The following VWA3A variants were observed in gnomAD, a reference collection of about 807,000 sequenced individuals.
VWA3A encodes von Willebrand factor A domain-containing protein 3A.
In VWA3A, 134 loss-of-function variants were observed where a neutral mutation model predicts 160.4. The ratio of observed to expected loss-of-function variants is 0.84; its 90% CI spans 0.73 to 0.96. VWA3A has a LOEUF of 0.96. VWA3A is among the 40% of genes least tolerant of loss of function. VWA3A has a pLI of 0.00. For synonymous variants in VWA3A, 476 were observed against 543.4 expected, an observed-to-expected ratio of 0.88 and a Z score of 1.72; for missense variants, 1,310 against 1,447.9, an observed-to-expected ratio of 0.90 and a Z score of 1.55.
chr16:22,119,006 G>C lies in VWA3A; in HGVS notation c.1095G>C (p.Ala365=). The change falls in exon 12 of 34, where the codon GCG becomes GCC. Residue 365 remains alanine (A), a synonymous_variant. Coordinates refer to ENST00000389398, the MANE Select transcript of VWA3A (RefSeq NM_173615.5). The part of the protein sequence containing the change: ...QALQHSSPCE[A]LTCTMEEIST... ...TGCAGCACAGCAGCCCCTGTGAGGCGCTCACCTGCACCATGGAGGAGGTAG... is the reference window on the plus strand; with the variant it reads ...TGCAGCACAGCAGCCCCTGTGAGGCCCTCACCTGCACCATGGAGGAGGTAG... 1.2e-6 allele frequency: 2 copies of C among 1,612,678 alleles called. No homozygotes were observed. Among genetic ancestry groups the C allele is most frequent in the Non-Finnish European group, 1.7e-6 (2 of 1,179,314 alleles).
chr16:22,123,147 C>G lies in VWA3A; in HGVS notation c.1419C>G (p.Pro473=), dbSNP rs376008317. 1 of 1,604,348 alleles carries G rather than the reference C, an allele frequency of 6.2e-7. No homozygotes were observed. Among genetic ancestry groups the G allele is most frequent in the South Asian group, 1.1e-5 (1 of 88,860 alleles). Reference sequence around the variant, plus strand: ...TGAAGAACATTCATGTGGACCCACCCTTCCTCTATAAGTACCAGGTCAGTG... The same window carrying G: ...TGAAGAACATTCATGTGGACCCACCGTTCCTCTATAAGTACCAGGTCAGTG... ...GTVKNIHVDP[P]FLYKYQQQLS... The change falls in exon 15 of 34, where the codon CCC becomes CCG. Residue 473 remains proline (P), a synonymous_variant. Coordinates refer to ENST00000389398, the MANE Select transcript of VWA3A (RefSeq NM_173615.5).
intron 9 of VWA3A, chr16:22,116,327 T>C (rs560844988): frequency 4.6e-5 from 14 of 303,580 alleles, no homozygotes; most frequent in Admixed American, 7.4e-5. Flanking sequence ...GAAGGAAAGA[T>C]GGAAGAGAGA....
chr16:22,114,044 G>T (rs991226430), intron 8 of VWA3A, among the ~76,000 whole-genome samples: 1 of 151,150 alleles, frequency 6.6e-6, no homozygotes, highest in Non-Finnish European at 1.5e-5. Context: ...AAAAAAGAAA[G>T]CAGCCATATA....
intron 25 of VWA3A, among the ~76,000 whole-genome samples, chr16:22,143,594 G>T (rs1165695397): frequency 6.6e-6 from 1 of 152,094 alleles, no homozygotes; most frequent in South Asian, 2.1e-4. Context: ...AATATTGTAG[G>T]TGGGGTGCTC....
intron 17 of VWA3A, among the ~76,000 whole-genome samples, chr16:22,126,974 AACTT>A (rs1824108624): frequency 6.7e-6 from 1 of 149,854 alleles, no homozygotes; most frequent in African/African-American, 2.4e-5. Context: ...TGAAGATTTG[AACTT>A]ACTTCAAAAT....
chr16:22,103,822 C>G (rs1202824526), intron 6 of VWA3A, among the ~76,000 whole-genome samples: 2 of 152,156 alleles, frequency 1.3e-5, no homozygotes, highest in Non-Finnish European at 2.9e-5. Flanking sequence ...ACTTCACTTC[C>G]TGTTCCCTGC....
chr16:22,133,250 A>ATATC (rs2045981311), intron 20 of VWA3A, among the ~76,000 whole-genome samples, 155 bp downstream of exon 20: 1 of 152,244 alleles, frequency 6.6e-6, no homozygotes, highest in African/African-American at 2.4e-5. Context: ...GATAGCAGTG[A>ATATC]TGGTTGAACA....
intron 28 of VWA3A, among the ~76,000 whole-genome samples, chr16:22,149,535 G>A (rs1459026595): frequency 3.3e-5 from 5 of 152,190 alleles, no homozygotes; most frequent in Non-Finnish European, 7.3e-5. Flanking sequence ...ACAGGCCACT[G>A]TGTCTGGCTT....
intron 11 of VWA3A, among the ~76,000 whole-genome samples, chr16:22,118,662 G>A (rs2045684746): frequency 6.6e-6 from 1 of 152,162 alleles, no homozygotes. Context: ...CTCCAGCCTG[G>A]GTGACAGAGC....
In VWA3A at chr16:22,113,363, CTTTTTTTTTTTTT is replaced by C. The variant is rs569069206; in HGVS notation, c.690-1963_690-1951del. Among the ~76,000 whole-genome samples the C allele has an allele frequency of 1.9e-4, 9 of 46,264 alleles. No homozygotes were observed. In the South Asian group the frequency reaches 4.2e-3, roughly 22 times the overall value. The allele number at this position is 46,264 out of a possible 152,430, so 30.4% of individuals were successfully genotyped here. ...TGCTCCACAATGCCTGGCTAATTTT[CTTTTTTTTTTTTT>C]TTTTTTTTTTTTTTTTTTTTGTATT... On this transcript the variant is annotated intron_variant, in intron 8 of 33. Transcript: ENST00000389398.
intron 16 of VWA3A, among the ~76,000 whole-genome samples, chr16:22,125,231 T>A (rs942590687): frequency 2.7e-5 from 4 of 148,236 alleles, no homozygotes; most frequent in Non-Finnish European, 6.0e-5. Context: ...AAAAAAAAAA[T>A]TTAAATTAGC....
chr16:22,107,764 G>A (rs1057246031), intron 6 of VWA3A, among the ~76,000 whole-genome samples: 1 of 152,042 alleles, frequency 6.6e-6, no homozygotes, highest in African/African-American at 2.4e-5. Flanking sequence ...GCCTGGAGTG[G>A]GACCTGAGAC....
intron 30 of VWA3A, among the ~76,000 whole-genome samples, 189 bp downstream of exon 30, chr16:22,151,035 T>C (rs1271548377): frequency 1.3e-5 from 2 of 151,908 alleles, no homozygotes; most frequent in Non-Finnish European, 2.9e-5. Context: ...ATCCCAGCAT[T>C]TTGGGAGGTT....
Position 22,141,634 on chromosome 16 carries a change from G to A in VWA3A, c.2436G>A (p.Lys812=). ...EGMMELRRKT[K]SREAETSLLL... is the part of the protein sequence containing the mutation. Reference sequence around the variant, plus strand: ...TGATGGAACTGAGGAGGAAGACCAAGTCAAGGGAAGCAGAGACATCTCTTT... The same window carrying A: ...TGATGGAACTGAGGAGGAAGACCAAATCAAGGGAAGCAGAGACATCTCTTT... Residue 812 remains lysine, a synonymous_variant, in exon 24 of 34, where the codon AAG becomes AAA. Coordinates refer to ENST00000389398, the MANE Select transcript of VWA3A (RefSeq NM_173615.5). The A allele has an allele frequency of 6.2e-7, 1 of 1,612,784 alleles. No homozygotes were observed. The highest frequency in any genetic ancestry group is 2.2e-5 in the East Asian group (1 of 44,874).
chr16:22,132,243 C>T (rs1305816919), intron 19 of VWA3A, among the ~76,000 whole-genome samples: 5 of 151,894 alleles, frequency 3.3e-5, no homozygotes, highest in South Asian at 2.1e-4. Flanking sequence ...ATTAGCTGGG[C>T]GTGGTGGCAC....
chr16:22,138,338 G>A (rs1233230415), intron 21 of VWA3A, 22 bp from the exon 22 acceptor site: 3 of 1,566,590 alleles, frequency 1.9e-6, no homozygotes, highest in African/African-American at 2.7e-5. Flanking sequence ...GGGTGCCACT[G>A]ACCCTCCCAA....
chr16:22,138,242 AGAG>A (rs963751056), intron 21 of VWA3A, 115 bp from the exon 22 acceptor site: 3 of 1,259,404 alleles, frequency 2.4e-6, no homozygotes, highest in African/African-American at 3.1e-5. Context: ...AGGGACAAAA[AGAG>A]GAGTCCAGGG....
At chr16:22,118,783 C>T in intron 11 of VWA3A, 119 bp from the exon 12 acceptor site, 1 of 1,371,844 alleles carries the variant, frequency 7.3e-7, no homozygotes, top group Non-Finnish European at 1.0e-6. Context: ...TGTATAAGGC[C>T]TGGTGGAGAG....
chr16:22,103,578 G>T (rs1328898832), intron 6 of VWA3A, 49 bp downstream of exon 6: 3 of 1,544,584 alleles, frequency 1.9e-6, no homozygotes, highest in Non-Finnish European at 2.6e-6. Flanking sequence ...CATTCCATTT[G>T]TATTTGTTAG....
Sources: gnomAD v4.1 joint callset for allele counts (sites outside exome capture counted in the v4.1 genomes callset) on GRCh38, gnomAD v4.1.1 for gene constraint, MANE v1.5 for transcripts, NCBI Gene and HGNC (gene_info 2026-07-23, HGNC 2026-07-21) for gene names.